The following RNF43 variants were observed in gnomAD, a reference collection of about 807,000 sequenced individuals.
RNF43 encodes the protein E3 ubiquitin-protein ligase RNF43.
In RNF43, 37 loss-of-function variants were observed where a neutral mutation model predicts 78.4. The ratio of observed to expected loss-of-function variants is 0.47; its 90% CI spans 0.36 to 0.62. The LOEUF (loss-of-function observed/expected upper bound fraction) is 0.62. RNF43 is among the 20% of genes least tolerant of loss of function. The pLI, the probability that RNF43 is intolerant of heterozygous loss-of-function variation, is 0.00. For synonymous variants in RNF43, 347 were observed against 395.0 expected (o/e 0.88, Z 1.44); for missense variants, 774 against 1,007.9 (o/e 0.77, Z 3.14).
chr17:58,399,640 G>A (rs1299955073), intron 2 of RNF43, among the ~76,000 whole-genome samples: 2 of 151,438 alleles, frequency 1.3e-5, no homozygotes, highest in African/African-American at 4.8e-5. Context: ...CAGAGTAGCA[G>A]CAATTTTTTT....
intron 2 of RNF43, among the ~76,000 whole-genome samples, chr17:58,381,262 G>A (rs1176758743): frequency 1.3e-5 from 2 of 152,224 alleles, no homozygotes; most frequent in East Asian, 3.8e-4. Flanking sequence ...GTTGACATTA[G>A]GCCAAGAAGG....
intron 2 of RNF43, among the ~76,000 whole-genome samples, 169 bp downstream of exon 2, chr17:58,415,157 A>G (rs763517538): frequency 1.3e-4 from 20 of 152,208 alleles, no homozygotes; most frequent in Non-Finnish European, 2.5e-4. Context: ...TCCAGAGTAT[A>G]AAATAATAAT....
In RNF43 at chr17:58,362,518, G is replaced by A. The variant is rs567944360; in HGVS notation, c.687+26C>T. The A allele has an allele frequency of 6.3e-5, 98 of 1,563,164 alleles. 1 individual carries two copies. Among genetic ancestry groups the A allele is most frequent in the South Asian group, 5.2e-4 (45 of 86,412 alleles). ...ACCCACACACACGCACACGTTCACC[G>A]CCGCCAAAGACCCCACACTGCTCAC... On this transcript the variant is annotated intron_variant, in intron 6 of 9. Transcript: ENST00000407977.
chr17:58,396,850 C>T (rs1973692271), intron 2 of RNF43, among the ~76,000 whole-genome samples: 1 of 152,072 alleles, frequency 6.6e-6, no homozygotes, highest in Admixed American at 6.5e-5. Context: ...CACACACTAC[C>T]ATAGTAGTTG....
chr17:58,410,178 G>GAT (rs936554321), intron 2 of RNF43, among the ~76,000 whole-genome samples: 1 of 152,080 alleles, frequency 6.6e-6, no homozygotes, highest in African/African-American at 2.4e-5. Context: ...ACAGAACTGT[G>GAT]ATATATATAA....
At chr17:58,397,566 G>A (rs937349460) in intron 2 of RNF43, among the ~76,000 whole-genome samples, 9 of 152,040 alleles carry the variant, frequency 5.9e-5, no homozygotes, top group African/African-American at 2.2e-4. Flanking sequence ...AGGAGGCTGA[G>A]GCAGGAGAAT....
chr17:58,389,568 A>T (rs1310440727), intron 2 of RNF43, among the ~76,000 whole-genome samples: 1 of 152,216 alleles, frequency 6.6e-6, no homozygotes, highest in Non-Finnish European at 1.5e-5. Flanking sequence ...AATGAAAACC[A>T]CCAGAGTGGG....
chr17:58,392,215 G>C (rs1973575255), intron 2 of RNF43, among the ~76,000 whole-genome samples: 1 of 152,242 alleles, frequency 6.6e-6, no homozygotes, highest in African/African-American at 2.4e-5. Flanking sequence ...AAAAATAATA[G>C]TGGATAAAGT....
intron 3 of RNF43, among the ~76,000 whole-genome samples, chr17:58,370,235 A>AT (rs1193963045): frequency 2.0e-5 from 3 of 151,068 alleles, no homozygotes; most frequent in African/African-American, 7.3e-5. Context: ...CGCCTGGCTA[A>AT]TTTTTTGTAT....
At chr17:58,364,595 C>T (rs931423321) in intron 3 of RNF43, among the ~76,000 whole-genome samples, 1 of 152,170 alleles carries the variant, frequency 6.6e-6, no homozygotes, top group Non-Finnish European at 1.5e-5. Context: ...TGGGGCCTCC[C>T]GGCCTAGCAC....
At chr17:58,379,430 T>C (rs1973268675) in intron 2 of RNF43, among the ~76,000 whole-genome samples, 1 of 152,166 alleles carries the variant, frequency 6.6e-6, no homozygotes, top group Non-Finnish European at 1.5e-5. Flanking sequence ...CCTGTTGCTT[T>C]AGGATGAGAA....
chr17:58,398,946 C>T (rs945319026), intron 2 of RNF43, among the ~76,000 whole-genome samples: 1 of 152,164 alleles, frequency 6.6e-6, no homozygotes, highest in Admixed American at 6.5e-5. Flanking sequence ...GAAGTGCCTT[C>T]GGAGAAGAAG....
intron 2 of RNF43, among the ~76,000 whole-genome samples, chr17:58,407,366 C>T (rs1598167737): frequency 6.6e-6 from 1 of 152,164 alleles, no homozygotes; most frequent in African/African-American, 2.4e-5. Flanking sequence ...AGGCGTGAGC[C>T]ACCACACCCA....
chr17:58,358,187 G>C lies in RNF43; in HGVS notation c.1589C>G (p.Pro530Arg), dbSNP rs372693738. 8 of 1,612,746 alleles carry C rather than the reference G, an allele frequency of 5.0e-6. No individual in the cohort carries two copies. In the African/African-American group the frequency reaches 1.1e-4, roughly 22 times the overall value. ...GGGCACCACCGAGTCCAAGGAACGA[G>C]GCCGAGAGGTCACACTAGGCTGCAT... is the stretch of plus-strand genomic sequence containing the variant. Reference protein sequence around the residue: ...VDMQPSVTSRPRSLDSVVPTG... With the variant: ...VDMQPSVTSRRRSLDSVVPTG... Residue 530 changes from proline to arginine, a missense_variant, in exon 9 of 10, where the codon CCT becomes CGT. Pro to Arg is a moderately radical substitution (Grantham distance 103). Coordinates refer to ENST00000407977, the MANE Select transcript of RNF43 (RefSeq NM_017763.6). The surrounding 1 kb of genome is among the most constrained non-coding windows in gnomAD (Gnocchi z 6.2).
chr17:58,403,010 G>C (rs1203484597), intron 2 of RNF43, among the ~76,000 whole-genome samples: 1 of 151,918 alleles, frequency 6.6e-6, no homozygotes, highest in Non-Finnish European at 1.5e-5. Flanking sequence ...GGGGTGGGGG[G>C]GTAGGTTGTT....
intron 2 of RNF43, among the ~76,000 whole-genome samples, chr17:58,414,557 G>A (rs1353694209): frequency 1.3e-5 from 2 of 152,210 alleles, no homozygotes; most frequent in African/African-American, 2.4e-5. Context: ...TCTATGAAAT[G>A]CTGTGCCCCC....
intron 2 of RNF43, among the ~76,000 whole-genome samples, chr17:58,415,040 AAT>A (rs1388508084): frequency 6.6e-6 from 1 of 152,202 alleles, no homozygotes; most frequent in East Asian, 1.9e-4. Context: ...TAGTGCCCAG[AAT>A]ATATCACTTG....
At chr17:58,381,435 C>T (rs1973315954) in intron 2 of RNF43, among the ~76,000 whole-genome samples, 1 of 152,174 alleles carries the variant, frequency 6.6e-6, no homozygotes, top group African/African-American at 2.4e-5. Context: ...AATGATTTGC[C>T]AGCAAAGAAC....
chr17:58,378,279 A>G (rs991858388), intron 2 of RNF43, among the ~76,000 whole-genome samples: 4 of 152,094 alleles, frequency 2.6e-5, no homozygotes, highest in Non-Finnish European at 4.4e-5. Flanking sequence ...TATTTTTGAG[A>G]TAGGGTCTTG....
Sources: allele counts gnomAD v4.1 joint callset (sites outside exome capture counted in the v4.1 genomes callset), GRCh38; gene constraint gnomAD v4.1.1; non-coding constraint Gnocchi (gnomAD v3.1); transcripts MANE v1.5; gene names NCBI Gene and HGNC (gene_info 2026-07-23, HGNC 2026-07-21).